The following INSR variants were observed in gnomAD, a reference collection of about 807,000 sequenced individuals.
INSR encodes insulin receptor, also known as IR.
A neutral mutation model predicts 142.6 loss-of-function variants in INSR; 67 were observed. The ratio of observed to expected loss-of-function variants is 0.47; its 90% CI spans 0.39 to 0.58. The LOEUF (loss-of-function observed/expected upper bound fraction) is 0.58. INSR is among the 20% of genes least tolerant of loss of function. INSR has a pLI of 0.00. For missense variants in INSR, 1,248 were observed against 1,833.2 expected (o/e 0.68, Z 5.83); for synonymous variants, 756 against 743.1 (o/e 1.02, Z -0.28).
intron 9 of INSR, among the ~76,000 whole-genome samples, chr19:7,157,320 G>A (rs1973620491): frequency 6.6e-6 from 1 of 151,328 alleles, no homozygotes; most frequent in African/African-American, 2.4e-5. Context: ...TTGCCATGTT[G>A]GCCAGGCTGG....
intron 1 of INSR, among the ~76,000 whole-genome samples, chr19:7,280,067 C>T (rs1203989562): frequency 6.6e-6 from 1 of 150,570 alleles, no homozygotes; most frequent in East Asian, 2.0e-4. Flanking sequence ...AGATTGAGAC[C>T]ATCCTGGCTA....
chr19:7,238,524 G>A (rs1976232727), intron 2 of INSR, among the ~76,000 whole-genome samples: 1 of 149,918 alleles, frequency 6.7e-6, no homozygotes, highest in Non-Finnish European at 1.5e-5. Flanking sequence ...GAGAGGCTGA[G>A]GCAGGAGAAT....
intron 1 of INSR, among the ~76,000 whole-genome samples, chr19:7,282,216 T>G (rs1968220699): frequency 6.6e-6 from 1 of 151,582 alleles, no homozygotes; most frequent in Non-Finnish European, 1.5e-5. Context: ...AATACAAAAA[T>G]TAGCTGGGCG....
Position 7,184,308 on chromosome 19 carries a change from G to A in INSR, c.974+8C>T. 1.9e-6 allele frequency: 3 copies of A among 1,613,006 alleles called. No individual in the cohort carries two copies. The highest frequency in any genetic ancestry group is 4.5e-5 in the East Asian group (2 of 44,872). ...CGGCTGCCCCCCAGACCCACATCCA[G>A]AACTCACTTGCTGGAATTCATCGTG... On this transcript the variant is annotated splice_region_variant and intron_variant, in intron 3 of 21. Transcript: ENST00000302850.
intron 2 of INSR, among the ~76,000 whole-genome samples, chr19:7,258,226 A>G (rs571140068): frequency 5.3e-5 from 8 of 152,166 alleles, no homozygotes; most frequent in Non-Finnish European, 1.0e-4. Context: ...CTTGAACCCA[A>G]TTGTTTGAGA....
Position 7,126,720 on chromosome 19 carries a change from A to T in INSR, c.2946-69T>A, listed in dbSNP as rs1048099427. ...GACTCTGCAGAAAGGTGTTTCATAC[A>T]AGACTCCCCAAGGCAAATGGCAGCC... is the stretch of plus-strand genomic sequence containing the variant. On this transcript the variant is annotated intron_variant, in intron 15 of 21. Transcript: ENST00000302850. The T allele has an allele frequency of 3.6e-6, 5 of 1,381,888 alleles. No homozygotes were observed. In the African/African-American group the frequency reaches 7.2e-5, roughly 20 times the overall value. 85.6% of individuals were successfully genotyped at this position (1,381,888 alleles called of 1,614,324 possible). A position where few individuals can be genotyped will look rare whatever the true frequency, so the allele number is the denominator to read the frequency against.
chr19:7,143,227 C>T, intron 11 of INSR, 137 bp from the exon 12 acceptor site: 3 of 937,338 alleles, frequency 3.2e-6, no homozygotes, highest in Non-Finnish European at 3.3e-6. Context: ...ACATGGATTA[C>T]AATACAGACT....
chr19:7,158,790 T>C (rs1198797936), intron 9 of INSR, among the ~76,000 whole-genome samples: 9 of 152,162 alleles, frequency 5.9e-5, no homozygotes, highest in African/African-American at 1.9e-4. Flanking sequence ...TAACAACATA[T>C]ACACTAGTGA....
chr19:7,281,196 G>A (rs542783984), intron 1 of INSR, among the ~76,000 whole-genome samples: 66 of 152,308 alleles, frequency 4.3e-4, no homozygotes, highest in African/African-American at 1.3e-3. Context: ...TGCCAGACCA[G>A]AAAGTCACTT....
intron 1 of INSR, among the ~76,000 whole-genome samples, chr19:7,273,280 T>C (rs2145222221): frequency 6.6e-6 from 1 of 152,286 alleles, no homozygotes; most frequent in Admixed American, 6.5e-5. Flanking sequence ...TGTGTCCCTA[T>C]TAGTGAAAGA....
At chr19:7,277,021 G>A (rs897562912) in intron 1 of INSR, among the ~76,000 whole-genome samples, 5 of 152,190 alleles carry the variant, frequency 3.3e-5, no homozygotes, top group East Asian at 3.9e-4. Flanking sequence ...GTGAGCCACC[G>A]TGCCTGGCCT....
In INSR at chr19:7,117,210, G is replaced by A. The variant is rs781710569; in HGVS notation, c.3995C>T (p.Ser1332Phe). Residue 1332 changes from serine to phenylalanine, a missense_variant, in exon 22 of 22, where the codon TCC becomes TTC. Ser to Phe is a radical substitution (Grantham distance 155, BLOSUM62 -2). Transcript: ENST00000302850. ...CGCCTCCTCCCTCTGACAGTGCGAG[G>A]AACGGTCCAGGGGCACATTCTCCAT... ...EDMENVPLDR[S>F]SHCQREEAGG... 2 of 1,614,130 alleles carry A rather than the reference G, an allele frequency of 1.2e-6. No individual in the cohort carries two copies. Among genetic ancestry groups the A allele is most frequent in the South Asian group, 2.2e-5 (2 of 91,076 alleles).
At chr19:7,236,943 C>T (rs1219436621) in intron 2 of INSR, among the ~76,000 whole-genome samples, 1 of 150,480 alleles carries the variant, frequency 6.6e-6, no homozygotes, top group Non-Finnish European at 1.5e-5. Flanking sequence ...AGGAGAATGG[C>T]ATGAACCCAG....
At chr19:7,124,540 GGAAAAAAAAAAA>G (rs1972576738) in intron 17 of INSR, among the ~76,000 whole-genome samples, 2 of 10,812 alleles carry the variant, frequency 1.8e-4, no homozygotes, top group African/African-American at 3.9e-4. Context: ...CTCCGTTTCA[GGAAAAAAAAAAA>G]AAAAAAAAAA....
chr19:7,152,411 A>G (rs1190530446), intron 10 of INSR: 40 of 390,258 alleles, frequency 1.0e-4, no homozygotes, highest in African/African-American at 7.9e-4. Context: ...GAGAGAAAAA[A>G]AAAAATGTTA....
intron 3 of INSR, among the ~76,000 whole-genome samples, chr19:7,180,805 C>CG (rs1568468103): frequency 6.6e-6 from 1 of 152,094 alleles, no homozygotes. Flanking sequence ...ACGACCACCA[C>CG]GGCCAGGGGG....
At chr19:7,148,126 C>A (rs757998110) in intron 11 of INSR, among the ~76,000 whole-genome samples, 15 of 152,028 alleles carry the variant, frequency 9.9e-5, no homozygotes, top group Non-Finnish European at 1.9e-4. Flanking sequence ...GTTGCCCAGG[C>A]TGGTTTCAAA....
At chr19:7,284,018 T>C (rs918031627) in intron 1 of INSR, among the ~76,000 whole-genome samples, 1 of 152,162 alleles carries the variant, frequency 6.6e-6, no homozygotes, top group Non-Finnish European at 1.5e-5. Context: ...ACAAAGTTTA[T>C]GTAACACATG....
chr19:7,267,960 G>A lies in INSR; in HGVS notation c.101-64C>T. The A allele has an allele frequency of 2.9e-6, 4 of 1,389,548 alleles. No individual in the cohort carries two copies. Among genetic ancestry groups the A allele is most frequent in the Non-Finnish European group, 4.0e-6 (4 of 991,650 alleles). 86.1% of individuals were successfully genotyped at this position (1,389,548 alleles called of 1,614,324 possible). On this transcript the variant is annotated intron_variant, in intron 1 of 21. Transcript: ENST00000302850. This position sits in a 1 kb window ranked among gnomAD's most constrained non-coding sequence, Gnocchi z 6.3. Reference sequence around the variant, plus strand: ...AGACGCACGGTGGATGCATCAGAAGGATCAGGGGCAGAGCCGGCTTCATGG... The same window carrying A: ...AGACGCACGGTGGATGCATCAGAAGAATCAGGGGCAGAGCCGGCTTCATGG...
Sources: gnomAD v4.1 joint callset for allele counts (sites outside exome capture counted in the v4.1 genomes callset) on GRCh38, gnomAD v4.1.1 for gene constraint, Gnocchi (gnomAD v3.1) non-coding constraint, MANE v1.5 for transcripts, NCBI Gene and HGNC (gene_info 2026-07-23, HGNC 2026-07-21) for gene names.